RGS7: variants seen among roughly 807,000 people sequenced by gnomAD.
RGS7 encodes regulator of G-protein signaling 7.
A neutral mutation model predicts 81.1 loss-of-function variants in RGS7; 27 were observed. That is an observed-to-expected ratio of 0.33 (90% CI 0.25 to 0.46). The LOEUF (loss-of-function observed/expected upper bound fraction) is 0.46. Ranked by LOEUF, RGS7 falls within the 20% of genes least tolerant of loss-of-function variation. The pLI is 1.00. For missense variants in RGS7, 396 were observed against 607.4 expected (o/e 0.65, Z 3.66); for synonymous variants, 208 against 207.7 (o/e 1.00, Z -0.01).
At chr1:241,181,417 G>A (rs368343967) in intron 2 of RGS7, among the ~76,000 whole-genome samples, 7 of 152,190 alleles carry the variant, frequency 4.6e-5, no homozygotes, top group African/African-American at 1.2e-4. Flanking sequence ...ACAGTACTTC[G>A]GCCATAGAGT....
intron 18 of RGS7, among the ~76,000 whole-genome samples, chr1:240,793,572 GA>G (rs2103019356): frequency 7.4e-6 from 1 of 135,494 alleles, no homozygotes; most frequent in Non-Finnish European, 1.5e-5. Flanking sequence ...TATTTTCACT[GA>G]AGGTGTAGTA....
At chr1:240,998,884 T>G in intron 3 of RGS7, 1 of 422,448 alleles carries the variant, frequency 2.4e-6, no homozygotes, top group Non-Finnish European at 4.5e-6. Context: ...AAGCACTTTT[T>G]TAGTCCCCTT....
intron 3 of RGS7, among the ~76,000 whole-genome samples, chr1:241,019,138 G>A (rs1319915366): frequency 1.3e-5 from 2 of 152,036 alleles, no homozygotes; most frequent in African/African-American, 2.4e-5. Flanking sequence ...TCTAATGCTG[G>A]TCTGCCCTCA....
At chr1:241,301,567 T>G (rs955455424) in intron 2 of RGS7, among the ~76,000 whole-genome samples, 1 of 152,164 alleles carries the variant, frequency 6.6e-6, no homozygotes, top group Non-Finnish European at 1.5e-5. Context: ...TGAAGGACAA[T>G]GGGGAAATGG....
intron 2 of RGS7, among the ~76,000 whole-genome samples, chr1:241,235,909 T>TGAGACAGAAAGAGAGAGAGAGAGA (rs1553294783): frequency 2.2e-5 from 3 of 137,902 alleles, no homozygotes; most frequent in African/African-American, 7.7e-5. Flanking sequence ...AGATGCACTT[T>TGAGACAGAAAGAGAGAGAGAGAGA]GAGAGAGAGA....
Position 241,272,875 on chromosome 1 carries a change from CT to C in RGS7, c.78+82823del, listed in dbSNP as rs958994937. 2.0e-5 allele frequency among the ~76,000 whole-genome samples: 3 copies of C among 152,182 alleles called. No individual in the cohort carries two copies. In the East Asian group the frequency reaches 5.8e-4, roughly 29 times the overall value. On this transcript the variant is annotated intron_variant, in intron 2 of 18. Transcript: ENST00000440928. ...AAAATTCTCCATTTCTGATATTGTA[CT>C]TTTTTTTCCAGCACAGCTGTTTGAT...
At chr1:241,202,076 A>G (rs1326163041) in intron 2 of RGS7, among the ~76,000 whole-genome samples, 1 of 151,320 alleles carries the variant, frequency 6.6e-6, no homozygotes, top group East Asian at 1.9e-4. Context: ...TTACTTCCAC[A>G]ACAGTTTGAC....
intron 3 of RGS7, among the ~76,000 whole-genome samples, chr1:241,091,364 C>T (rs1485550873): frequency 2.6e-5 from 4 of 151,368 alleles, no homozygotes; most frequent in Admixed American, 6.6e-5. Context: ...TTGGCTAACA[C>T]GGTGAAACCC....
intron 2 of RGS7, among the ~76,000 whole-genome samples, chr1:241,186,933 C>T (rs1264280749): frequency 6.6e-6 from 1 of 152,144 alleles, no homozygotes; most frequent in Non-Finnish European, 1.5e-5. Context: ...TCTTTTGCGT[C>T]AACTGTTCAT....
intron 3 of RGS7, among the ~76,000 whole-genome samples, chr1:241,002,697 TATG>T (rs1336589982): frequency 2.0e-5 from 3 of 152,224 alleles, no homozygotes; most frequent in Admixed American, 6.5e-5. Flanking sequence ...GTGCTTGGCA[TATG>T]ATAAGTGGTT....
intron 2 of RGS7, among the ~76,000 whole-genome samples, chr1:241,221,672 C>T (rs2075023881): frequency 2.0e-5 from 3 of 152,176 alleles, no homozygotes; most frequent in Admixed American, 6.5e-5. Context: ...AGATTGCCTA[C>T]AAGAATGTGC....
intron 18 of RGS7, among the ~76,000 whole-genome samples, chr1:240,796,061 A>G (rs1284650727): frequency 6.6e-6 from 1 of 152,196 alleles, no homozygotes; most frequent in East Asian, 1.9e-4. Context: ...TGCTGAGATT[A>G]CAGGCATGAG....
At chr1:241,235,650 CTCTCTT>C (rs1290733363) in intron 2 of RGS7, among the ~76,000 whole-genome samples, 10 of 51,654 alleles carry the variant, frequency 1.9e-4, no homozygotes, top group African/African-American at 7.4e-4. Flanking sequence ...TTTTCTCATT[CTCTCTT>C]TCTTTCTCTT....
intron 4 of RGS7, among the ~76,000 whole-genome samples, chr1:240,974,672 A>T (rs1195239043): frequency 6.6e-6 from 1 of 152,248 alleles, no homozygotes; most frequent in Non-Finnish European, 1.5e-5. Flanking sequence ...GGCAAAGAAA[A>T]GCCAATGGGG....
At chr1:241,037,487 G>A (rs1252258776) in intron 3 of RGS7, among the ~76,000 whole-genome samples, 6 of 152,236 alleles carry the variant, frequency 3.9e-5, no homozygotes, top group African/African-American at 1.4e-4. Context: ...TTGGGAGGCC[G>A]AGGCGGGCAG....
At chr1:241,159,236 C>G (rs1237971030) in intron 2 of RGS7, among the ~76,000 whole-genome samples, 1 of 152,140 alleles carries the variant, frequency 6.6e-6, no homozygotes, top group Non-Finnish European at 1.5e-5. Flanking sequence ...TTGAATCTTA[C>G]CTGATCTGTT....
chr1:241,148,051 C>CTTTTTTTTTTTTT (rs58632066), intron 2 of RGS7, among the ~76,000 whole-genome samples: 7 of 108,490 alleles, frequency 6.5e-5, no homozygotes, highest in South Asian at 3.2e-4. Context: ...TTTTCTTTTT[C>CTTTTTTTTTTTTT]TTTTTTTTTT....
chr1:240,965,739 T>A (rs557995904), intron 4 of RGS7, among the ~76,000 whole-genome samples: 2 of 152,308 alleles, frequency 1.3e-5, no homozygotes, highest in African/African-American at 4.8e-5. Context: ...GACAGAAATC[T>A]TGGCTCCTGT....
At position 241,295,237 on chromosome 1, in the gene RGS7, A is replaced by G. The variant is rs370282157; in HGVS notation, c.78+60462T>C. Among the ~76,000 whole-genome samples, 3 of 152,076 alleles carry G rather than the reference A, an allele frequency of 2.0e-5. No homozygotes were observed. The East Asian group carries it at 5.8e-4, about 29-fold the overall frequency. On this transcript the variant is annotated intron_variant, in intron 2 of 18. Transcript: ENST00000440928. ...GCCAAGGCGGGCGGATCACAAGGTC[A>G]GGAGTTCAAGACCAGCCTGACGAAC...
Sources: gnomAD v4.1 joint callset for allele counts (sites outside exome capture counted in the v4.1 genomes callset) on GRCh38, gnomAD v4.1.1 for gene constraint, MANE v1.5 for transcripts, NCBI Gene and HGNC (gene_info 2026-07-23, HGNC 2026-07-21) for gene names.